THSD7B: variants seen among roughly 807,000 people sequenced by gnomAD.
The protein encoded by THSD7B is thrombospondin type 1 domain containing 7B.
In THSD7B, 138 loss-of-function variants were observed where a neutral mutation model predicts 213.6. The observed-to-expected ratio is 0.65, with a 90% CI of 0.56 to 0.74. The LOEUF is 0.74. Ranked by LOEUF, THSD7B falls within the 30% of genes least tolerant of loss-of-function variation. The pLI is 0.00. For missense variants in THSD7B, 1,931 were observed against 1,991.5 expected, an observed-to-expected ratio of 0.97 and a Z score of 0.58; for synonymous variants, 742 against 687.0, an observed-to-expected ratio of 1.08 and a Z score of -1.25.
intron 14 of THSD7B, among the ~76,000 whole-genome samples, chr2:137,427,857 G>A (rs895311699): frequency 1.3e-5 from 2 of 151,992 alleles, no homozygotes; most frequent in Non-Finnish European, 2.9e-5. Context: ...CAAAAACAGG[G>A]AACTATGTGA....
At chr2:137,531,962 A>G (rs1680407211) in intron 15 of THSD7B, among the ~76,000 whole-genome samples, 1 of 151,968 alleles carries the variant, frequency 6.6e-6, no homozygotes, top group Non-Finnish European at 1.5e-5. Flanking sequence ...CCAAATAGAG[A>G]TAATTAGCCT....
intron 7 of THSD7B, among the ~76,000 whole-genome samples, chr2:137,172,538 C>T (rs965423132): frequency 2.0e-5 from 3 of 152,180 alleles, no homozygotes; most frequent in Non-Finnish European, 4.4e-5. Flanking sequence ...CACTCTGTCC[C>T]CCATACCTTG....
At chr2:137,381,991 G>C (rs750651472) in intron 12 of THSD7B, among the ~76,000 whole-genome samples, 1 of 152,204 alleles carries the variant, frequency 6.6e-6, no homozygotes, top group Non-Finnish European at 1.5e-5. Flanking sequence ...GCTGGCGCTG[G>C]TAGACATCAA....
chr2:137,129,692 CA>C (rs1256739073), intron 5 of THSD7B, among the ~76,000 whole-genome samples: 1 of 152,192 alleles, frequency 6.6e-6, no homozygotes, highest in Non-Finnish European at 1.5e-5. Flanking sequence ...CCTCCTGCCT[CA>C]ACCTCCCAAA....
chr2:136,769,244 C>A (rs544830463), intron 1 of THSD7B, among the ~76,000 whole-genome samples: 7 of 152,178 alleles, frequency 4.6e-5, no homozygotes, highest in African/African-American at 1.7e-4. Flanking sequence ...ATAGGAATCC[C>A]AGCCACTGAA....
At chr2:137,659,861 C>A in intron 25 of THSD7B, 115 bp downstream of exon 25, 1 of 909,016 alleles carries the variant, frequency 1.1e-6, no homozygotes, top group South Asian at 1.9e-5. Context: ...GCCCATGATA[C>A]CATCTAGAGG....
chr2:137,022,255 G>T (rs1230411106), intron 2 of THSD7B, among the ~76,000 whole-genome samples: 1 of 152,280 alleles, frequency 6.6e-6, no homozygotes, highest in African/African-American at 2.4e-5. Flanking sequence ...AGTTTTGTAA[G>T]AAACTACCTG....
chr2:136,989,457 T>A (rs544938426), intron 2 of THSD7B, among the ~76,000 whole-genome samples: 26 of 152,324 alleles, frequency 1.7e-4, no homozygotes, highest in South Asian at 1.7e-3. Context: ...TCCTATGTGA[T>A]ACACTGGCTG....
At chr2:137,597,165 G>A (rs369856011) in intron 17 of THSD7B, among the ~76,000 whole-genome samples, 6 of 152,082 alleles carry the variant, frequency 3.9e-5, no homozygotes, top group African/African-American at 1.4e-4. Flanking sequence ...TGCCATGGAC[G>A]ATCAAATGGG....
intron 5 of THSD7B, 125 bp downstream of exon 5, chr2:137,115,418 G>A: frequency 8.6e-7 from 1 of 1,167,370 alleles, no homozygotes. Context: ...TTATTTTGTT[G>A]ACCATTTGTA....
At chr2:136,786,224 T>C (rs537141266) in intron 1 of THSD7B, among the ~76,000 whole-genome samples, 1 of 152,310 alleles carries the variant, frequency 6.6e-6, no homozygotes, top group South Asian at 2.1e-4. Context: ...TTAGTGTATA[T>C]TCACTTTGAT....
At chr2:137,033,383 G>A (rs1291500545) in intron 2 of THSD7B, among the ~76,000 whole-genome samples, 2 of 152,202 alleles carry the variant, frequency 1.3e-5, no homozygotes, top group African/African-American at 4.8e-5. Flanking sequence ...TTCTAACACA[G>A]TGAGCAGAAG....
intron 3 of THSD7B, among the ~76,000 whole-genome samples, chr2:137,061,638 A>G (rs1232344789): frequency 1.3e-5 from 2 of 151,642 alleles, no homozygotes; most frequent in Admixed American, 1.3e-4. Flanking sequence ...TTTGTTCATT[A>G]GCCTGTTTAT....
At chr2:137,310,911 T>C (rs1683887324) in intron 12 of THSD7B, among the ~76,000 whole-genome samples, 1 of 152,060 alleles carries the variant, frequency 6.6e-6, no homozygotes, top group Non-Finnish European at 1.5e-5. Flanking sequence ...ACTGTAGCCT[T>C]GTAGTATAGT....
chr2:137,549,508 A>G (rs926541966), intron 15 of THSD7B, among the ~76,000 whole-genome samples: 12 of 151,812 alleles, frequency 7.9e-5, no homozygotes, highest in African/African-American at 2.9e-4. Context: ...CCTTTCTGAG[A>G]CACATAACTT....
At chr2:137,433,358 G>C (rs902293841) in intron 14 of THSD7B, among the ~76,000 whole-genome samples, 2 of 150,774 alleles carry the variant, frequency 1.3e-5, no homozygotes. Context: ...ATTGTATTTT[G>C]TTTTCTTTTT....
chr2:137,276,494 T>A (rs1219720967), intron 12 of THSD7B, among the ~76,000 whole-genome samples: 1 of 152,136 alleles, frequency 6.6e-6, no homozygotes, highest in Non-Finnish European at 1.5e-5. Flanking sequence ...ACTCATCATA[T>A]ATCTTACATG....
chr2:137,331,213 C>T (rs2104893436), intron 12 of THSD7B, among the ~76,000 whole-genome samples: 1 of 149,776 alleles, frequency 6.7e-6, no homozygotes, highest in South Asian at 2.1e-4. Flanking sequence ...TTTACAATCC[C>T]AGAGCTAGAC....
Position 137,581,782 on chromosome 2 carries a change from A to T in THSD7B, c.3423+9226A>T, listed in dbSNP as rs1444519611. Among the ~76,000 whole-genome samples the T allele has an allele frequency of 3.4e-3, 507 of 147,628 alleles. 2 individuals are homozygous for T. The highest frequency in any genetic ancestry group is 0.012 in the African/African-American group (483 of 39,922). On this transcript the variant is annotated intron_variant, in intron 17 of 27. Transcript: ENST00000409968. ...CTCAAAAAAAAAAATAAAAAAAAAA[A>T]AAATAATAATAAATAATAATAATAA...
Sources: gnomAD v4.1 joint callset for allele counts (sites outside exome capture counted in the v4.1 genomes callset) on GRCh38, gnomAD v4.1.1 for gene constraint, MANE v1.5 for transcripts, NCBI Gene and HGNC (gene_info 2026-07-23, HGNC 2026-07-21) for gene names.